The following SCOC variants were observed in gnomAD, a reference collection of about 807,000 sequenced individuals.
The protein encoded by SCOC is short coiled-coil protein.
In SCOC, 7 loss-of-function variants were observed where a neutral mutation model predicts 9.9. The observed-to-expected ratio is 0.71, with a 90% CI of 0.40 to 1.33. The LOEUF (loss-of-function observed/expected upper bound fraction) is 1.33, where lower values mean the gene tolerates loss of function less well. Ranked by LOEUF, SCOC falls within the 40% of genes most tolerant of loss-of-function variation. The probability of loss-of-function intolerance (pLI) is 0.01; values close to 1 mark genes in which losing one functional copy is unlikely to be tolerated. For synonymous variants in SCOC, 19 were observed against 28.2 expected (o/e 0.67, Z 1.03); for missense variants, 66 against 89.7 (o/e 0.74, Z 1.07).
chr4:140,309,308 C>T (rs1282111656), intron 1 of SCOC, among the ~76,000 whole-genome samples: 1 of 152,206 alleles, frequency 6.6e-6, no homozygotes, highest in African/African-American at 2.4e-5. Flanking sequence ...TGGCCATTCT[C>T]TGGCAAACAT....
chr4:140,351,723 C>T (rs1020867562), intron 2 of SCOC, among the ~76,000 whole-genome samples: 2 of 151,818 alleles, frequency 1.3e-5, no homozygotes, highest in African/African-American at 4.8e-5. Flanking sequence ...TCCCCTCAGC[C>T]AAGCAGAAGA....
intron 1 of SCOC, among the ~76,000 whole-genome samples, chr4:140,271,080 T>C (rs1730834065): frequency 6.6e-6 from 1 of 152,172 alleles, no homozygotes; most frequent in South Asian, 2.1e-4. Flanking sequence ...ATGAGGATGC[T>C]GAGTAATTTC....
chr4:140,348,525 AGTGT>A (rs893062460), intron 2 of SCOC, among the ~76,000 whole-genome samples: 11 of 149,602 alleles, frequency 7.4e-5, no homozygotes, highest in African/African-American at 2.7e-4. Context: ...TGTGTGTGTG[AGTGT>A]GTGTATATGT....
intron 1 of SCOC, among the ~76,000 whole-genome samples, chr4:140,305,595 C>G (rs562535461): frequency 3.3e-5 from 5 of 152,278 alleles, no homozygotes; most frequent in African/African-American, 9.6e-5. Flanking sequence ...TGCTGACAGG[C>G]TGTATAACAA....
chr4:140,278,378 C>T (rs1184973868), intron 1 of SCOC, among the ~76,000 whole-genome samples: 12 of 151,728 alleles, frequency 7.9e-5, no homozygotes, highest in East Asian at 1.9e-4. Flanking sequence ...TGGCTCACTG[C>T]GAGCTCGGCC....
intron 1 of SCOC, among the ~76,000 whole-genome samples, chr4:140,258,307 C>T (rs1440785229): frequency 1.3e-5 from 2 of 152,212 alleles, no homozygotes; most frequent in South Asian, 4.1e-4. Context: ...CATCTTGTCC[C>T]CTTTTCCAGA....
upstream of SCOC, chr4:140,373,228 C>T (rs2126585186): frequency 2.6e-6 from 3 of 1,148,886 alleles, no homozygotes; most frequent in Non-Finnish European, 3.2e-6. Flanking sequence ...GCTCTTTTCT[C>T]GAACTTGAAT....
chr4:140,291,026 C>T (rs1020490574), intron 1 of SCOC, among the ~76,000 whole-genome samples: 8 of 152,216 alleles, frequency 5.3e-5, no homozygotes, highest in Admixed American at 5.2e-4. Context: ...TGTTTTCTCA[C>T]TGGGAACTTG....
intron 1 of SCOC, among the ~76,000 whole-genome samples, chr4:140,314,859 A>AC (rs760364278): frequency 6.8e-6 from 1 of 147,574 alleles, no homozygotes; most frequent in African/African-American, 2.5e-5. Context: ...TGTGAACTCC[A>AC]CCCCCCCACC....
Position 140,381,090 on chromosome 4 carries a change from A to T in SCOC, c.235A>T (p.Ser79Cys). 1.3e-6 allele frequency: 2 copies of T among 1,597,462 alleles called. No individual in the cohort carries two copies. The highest frequency in any genetic ancestry group is 1.7e-6 in the Non-Finnish European group (2 of 1,176,076). Residue 79 changes from serine to cysteine, a missense_variant, in exon 4 of 4, where the codon AGC (serine) becomes TGC (cysteine). Ser to Cys is a moderately radical substitution (Grantham distance 112, BLOSUM62 -1). Transcript: ENST00000608372. ...TGTTTTTCAAACAACTGACACAAAA[A>T]GCAAAAGAAAGTAAGGGATTGACAC... ...SSVFQTTDTK[S>C]KRK
At chr4:140,286,539 G>T (rs1276205404) in intron 1 of SCOC, among the ~76,000 whole-genome samples, 2 of 152,178 alleles carry the variant, frequency 1.3e-5, no homozygotes, top group African/African-American at 2.4e-5. Context: ...GATGTAACAC[G>T]GAATTAGAGA....
At chr4:140,272,120 G>A (rs1349703694) in intron 1 of SCOC, among the ~76,000 whole-genome samples, 1 of 149,972 alleles carries the variant, frequency 6.7e-6, no homozygotes, top group African/African-American at 2.5e-5. Flanking sequence ...ACAGTGGTGT[G>A]ATCATGGCTC....
At chr4:140,267,421 G>A (rs1282135269) in intron 1 of SCOC, among the ~76,000 whole-genome samples, 3 of 152,156 alleles carry the variant, frequency 2.0e-5, no homozygotes, top group Admixed American at 6.5e-5. Context: ...CCAGCTTTGC[G>A]GGGTTACTGG....
chr4:140,279,334 T>G (rs892386010), intron 1 of SCOC, among the ~76,000 whole-genome samples: 2 of 152,196 alleles, frequency 1.3e-5, no homozygotes, highest in Non-Finnish European at 2.9e-5. Context: ...AATAGTATAC[T>G]CATTTTTTGT....
upstream of SCOC, among the ~76,000 whole-genome samples, chr4:140,368,956 C>T (rs1045000045): frequency 4.0e-5 from 6 of 151,340 alleles, no homozygotes; most frequent in East Asian, 1.9e-4. Flanking sequence ...TTCACAGCAC[C>T]GAGACTGCAC....
At chr4:140,301,294 T>G (rs1467705324) in intron 1 of SCOC, among the ~76,000 whole-genome samples, 1 of 152,198 alleles carries the variant, frequency 6.6e-6, no homozygotes, top group Non-Finnish European at 1.5e-5. Context: ...CCGGGGTCTT[T>G]CAGCAACAAA....
intron 1 of SCOC, among the ~76,000 whole-genome samples, chr4:140,303,030 C>A (rs1451399817): frequency 1.3e-5 from 2 of 151,544 alleles, no homozygotes; most frequent in African/African-American, 4.9e-5. Context: ...ATGGACCCTA[C>A]TAACAAGGAG....
upstream of SCOC, chr4:140,369,428 T>C: frequency 3.2e-6 from 1 of 308,506 alleles, no homozygotes; most frequent in South Asian, 2.5e-5. Context: ...TTCTGCAAAT[T>C]AATGAGCTTA....
intron 2 of SCOC, among the ~76,000 whole-genome samples, chr4:140,350,912 AG>A (rs944519652): frequency 6.6e-6 from 1 of 152,116 alleles, no homozygotes; most frequent in African/African-American, 2.4e-5. Context: ...GATCTGGGCC[AG>A]GAACAGTGGC....
Sources: gnomAD v4.1 joint callset for allele counts (sites outside exome capture counted in the v4.1 genomes callset) on GRCh38, gnomAD v4.1.1 for gene constraint, MANE v1.5 for transcripts, NCBI Gene and HGNC (gene_info 2026-07-23, HGNC 2026-07-21) for gene names.